The following MAP4K3 variants were observed in gnomAD, a reference collection of about 807,000 sequenced individuals.
MAP4K3 encodes MAPK/ERK kinase kinase kinase 3.
A neutral mutation model predicts 143.5 loss-of-function variants in MAP4K3; 94 were observed. That is an observed-to-expected ratio of 0.65 (90% CI 0.55 to 0.78). MAP4K3 has a LOEUF of 0.78. Among genes scored for constraint, MAP4K3 ranks in the 30% least tolerant of loss-of-function variants. MAP4K3 has a pLI of 0.00. For synonymous variants in MAP4K3, 416 were observed against 347.2 expected, an observed-to-expected ratio of 1.20 and a Z score of -2.20; for missense variants, 1,077 against 1,068.1, an observed-to-expected ratio of 1.01 and a Z score of -0.12.
chr2:39,331,014 C>T (rs567901969), intron 8 of MAP4K3, among the ~76,000 whole-genome samples: 3 of 152,132 alleles, frequency 2.0e-5, no homozygotes, highest in African/African-American at 7.2e-5. Flanking sequence ...TTCTCATATG[C>T]CTTTTTAGCA....
At position 39,343,412 on chromosome 2, in the gene MAP4K3, C is replaced by A. The variant is rs1461278999; in HGVS notation, c.286G>T (p.Gly96Cys). The change falls in exon 4 of 34, where the codon GGT becomes TGT. Residue 96 changes from glycine to cysteine, a missense_variant. Transcript: ENST00000263881. ...CCGTGATAAATATCCTGTAAAGAAC[C>A]ACCTCCACAAAACTCCATGCAAATC... ...LWICMEFCGG[G>C]SLQDIYHVTG... The A allele has an allele frequency of 6.2e-7, 1 of 1,612,834 alleles. No individual in the cohort carries two copies. Among genetic ancestry groups the A allele is most frequent in the Non-Finnish European group, 8.5e-7 (1 of 1,179,342 alleles).
At chr2:39,279,067 G>A (rs1198945658) in intron 23 of MAP4K3, among the ~76,000 whole-genome samples, 1 of 152,102 alleles carries the variant, frequency 6.6e-6, no homozygotes, top group Non-Finnish European at 1.5e-5. Context: ...AGCAGGAGCA[G>A]GAGTGGAAAT....
intron 1 of MAP4K3, among the ~76,000 whole-genome samples, chr2:39,381,977 C>G (rs2148585160): frequency 6.6e-6 from 1 of 152,286 alleles, no homozygotes; most frequent in East Asian, 1.9e-4. Flanking sequence ...GGTAACCTTT[C>G]TAAAATGGAA....
chr2:39,317,663 A>G (rs1227662223), intron 12 of MAP4K3, among the ~76,000 whole-genome samples: 2 of 152,186 alleles, frequency 1.3e-5, no homozygotes, highest in Admixed American at 6.5e-5. Context: ...ATGCTTGAAC[A>G]TCACTAATCA....
chr2:39,345,921 C>CAA (rs66729858), intron 3 of MAP4K3, among the ~76,000 whole-genome samples: 1,422 of 15,774 alleles, frequency 0.09, 209 homozygotes, highest in Non-Finnish European at 0.1. Flanking sequence ...GACTCTGTCT[C>CAA]AAAAAAAAAA....
intron 21 of MAP4K3, among the ~76,000 whole-genome samples, chr2:39,283,278 G>T (rs1392920925): frequency 6.6e-6 from 1 of 152,156 alleles, no homozygotes; most frequent in African/African-American, 2.4e-5. Context: ...AGCAATGTAT[G>T]AGAGCTCCTG....
intron 1 of MAP4K3, among the ~76,000 whole-genome samples, chr2:39,419,224 T>G (rs1667478898): frequency 6.6e-6 from 1 of 152,164 alleles, no homozygotes; most frequent in South Asian, 2.1e-4. Context: ...AAGTGAATAC[T>G]TTCTGCAAAC....
intron 22 of MAP4K3, among the ~76,000 whole-genome samples, chr2:39,281,053 A>T (rs1226205073): frequency 6.6e-6 from 1 of 152,190 alleles, no homozygotes; most frequent in African/African-American, 2.4e-5. Flanking sequence ...CTCTGAAATT[A>T]TCCTTCTGGT....
intron 1 of MAP4K3, among the ~76,000 whole-genome samples, chr2:39,433,676 C>A (rs900567024): frequency 6.6e-6 from 1 of 152,036 alleles, no homozygotes; most frequent in African/African-American, 2.4e-5. Flanking sequence ...AATTTCAGAG[C>A]ACTCCATGGG....
intron 21 of MAP4K3, among the ~76,000 whole-genome samples, chr2:39,285,076 G>C (rs886749268): frequency 5.9e-5 from 9 of 151,920 alleles, no homozygotes; most frequent in Admixed American, 3.9e-4. Context: ...ATTTTTTGTA[G>C]AGACAGGGTT....
At chr2:39,254,341 A>G (rs1680263661) in intron 32 of MAP4K3, 109 bp downstream of exon 32, 1 of 820,034 alleles carries the variant, frequency 1.2e-6, no homozygotes, top group Non-Finnish European at 2.0e-6. Flanking sequence ...TACAGTAAGT[A>G]TTAATAAAGT....
intron 1 of MAP4K3, among the ~76,000 whole-genome samples, chr2:39,389,115 GAAAT>G (rs1340171498): frequency 1.3e-5 from 2 of 152,144 alleles, no homozygotes; most frequent in South Asian, 2.1e-4. Flanking sequence ...GTTAACACTA[GAAAT>G]AAATAAATAC....
intron 1 of MAP4K3, 88 bp downstream of exon 1, chr2:39,436,804 C>T: frequency 1.7e-6 from 2 of 1,156,378 alleles, no homozygotes; most frequent in Non-Finnish European, 2.5e-6. Context: ...CAGCGTCTCC[C>T]GAGGACAGGC....
intron 1 of MAP4K3, among the ~76,000 whole-genome samples, chr2:39,432,193 C>T (rs1052675923): frequency 6.6e-6 from 1 of 152,178 alleles, no homozygotes; most frequent in African/African-American, 2.4e-5. Context: ...TCAATGTACT[C>T]TCATGAGAGA....
At chr2:39,390,877 G>A (rs1023689066) in intron 1 of MAP4K3, among the ~76,000 whole-genome samples, 2 of 151,916 alleles carry the variant, frequency 1.3e-5, no homozygotes, top group Non-Finnish European at 2.9e-5. Flanking sequence ...CTATAAACAC[G>A]ATGGGAAAGT....
intron 4 of MAP4K3, 90 bp from the exon 5 acceptor site, chr2:39,337,671 T>C: frequency 1.3e-6 from 1 of 772,326 alleles, no homozygotes; most frequent in Non-Finnish European, 2.2e-6. Flanking sequence ...GCAACAGACT[T>C]AATATCCCTA....
rs569949796 is a variant in MAP4K3, at chr2:39,357,393, A to C, written c.155-1054T>G. 4.6e-5 allele frequency among the ~76,000 whole-genome samples: 7 copies of C among 152,378 alleles called. No individual in the cohort carries two copies. The East Asian group carries it at 1.3e-3, about 29-fold the overall frequency. ...AAGTAAAAAACAGAAGGCTTCCCCAATTACTGCTCAAATCATAAGTATAAG... is the reference window on the plus strand; with the variant it reads ...AAGTAAAAAACAGAAGGCTTCCCCACTTACTGCTCAAATCATAAGTATAAG... On this transcript the variant is annotated intron_variant, in intron 2 of 33. Coordinates refer to ENST00000263881, the MANE Select transcript of MAP4K3 (RefSeq NM_003618.4).
At chr2:39,428,866 G>A (rs573396287) in intron 1 of MAP4K3, among the ~76,000 whole-genome samples, 20 of 151,450 alleles carry the variant, frequency 1.3e-4, no homozygotes, top group African/African-American at 4.4e-4. Flanking sequence ...TCAAGAGTTC[G>A]AGACCAGCCT....
intron 6 of MAP4K3, among the ~76,000 whole-genome samples, chr2:39,336,299 C>A (rs986457715): frequency 2.0e-5 from 3 of 151,602 alleles, no homozygotes; most frequent in African/African-American, 4.9e-5. Context: ...ATGATGAAAT[C>A]CTGTCTTTAC....
Sources: gnomAD v4.1 joint callset for allele counts (sites outside exome capture counted in the v4.1 genomes callset) on GRCh38, gnomAD v4.1.1 for gene constraint, MANE v1.5 for transcripts, NCBI Gene and HGNC (gene_info 2026-07-23, HGNC 2026-07-21) for gene names.